CDH13: variants seen among roughly 807,000 people sequenced by gnomAD.
CDH13 encodes cadherin-13.
CDH13 carries 24 observed loss-of-function variants against 63.8 expected under a neutral mutation model. That is an observed-to-expected ratio of 0.38 (90% CI 0.27 to 0.53). The LOEUF is 0.53. CDH13 is among the 20% of genes least tolerant of loss of function. The probability of loss-of-function intolerance (pLI) is 0.85; values close to 1 mark genes in which losing one functional copy is unlikely to be tolerated. For missense variants in CDH13, 1,049 were observed against 903.1 expected, an observed-to-expected ratio of 1.16 and a Z score of -2.07; for synonymous variants, 503 against 355.3, an observed-to-expected ratio of 1.42 and a Z score of -4.67.
intron 4 of CDH13, among the ~76,000 whole-genome samples, chr16:83,214,538 C>T (rs936187928): frequency 8.0e-6 from 1 of 125,358 alleles, no homozygotes; most frequent in Non-Finnish European, 1.6e-5. Flanking sequence ...CGAAATTGCA[C>T]CACTGCATTC....
At chr16:83,696,261 A>C (rs1029211664) in intron 10 of CDH13, among the ~76,000 whole-genome samples, 52 of 152,190 alleles carry the variant, frequency 3.4e-4, no homozygotes, top group Admixed American at 7.2e-4. Context: ...TTTTTTAAAA[A>C]GTCATGCTCA....
intron 6 of CDH13, among the ~76,000 whole-genome samples, chr16:83,349,178 G>C (rs1392091107): frequency 6.6e-6 from 1 of 152,216 alleles, no homozygotes; most frequent in East Asian, 1.9e-4. Context: ...ATCGTGAGCT[G>C]TTGCTTTTGC....
chr16:83,156,646 A>C (rs964524361), intron 4 of CDH13, among the ~76,000 whole-genome samples: 1 of 152,296 alleles, frequency 6.6e-6, no homozygotes, highest in Admixed American at 6.5e-5. Context: ...GACTACATCA[A>C]GTTTTACTCA....
At chr16:83,179,653 GAA>G (rs11307471) in intron 4 of CDH13, among the ~76,000 whole-genome samples, 9 of 147,198 alleles carry the variant, frequency 6.1e-5, no homozygotes, top group East Asian at 4.0e-4. Context: ...CTCTCTCTCA[GAA>G]AAAAAAAAAG....
chr16:83,211,169 T>C (rs143804887), intron 4 of CDH13, among the ~76,000 whole-genome samples: 1 of 149,510 alleles, frequency 6.7e-6, no homozygotes, highest in Admixed American at 6.7e-5. Context: ...AAAAAGGTAC[T>C]AGAAAAACTG....
At chr16:83,504,217 C>T (rs1037072146) in intron 7 of CDH13, among the ~76,000 whole-genome samples, 1 of 152,172 alleles carries the variant, frequency 6.6e-6, no homozygotes, top group African/African-American at 2.4e-5. Flanking sequence ...GATTTTAATC[C>T]TCAGGTTGCT....
At chr16:83,686,528 A>AG (rs1297997311) in intron 10 of CDH13, among the ~76,000 whole-genome samples, 3 of 152,366 alleles carry the variant, frequency 2.0e-5, no homozygotes, top group African/African-American at 7.2e-5. Context: ...CAACTTTAGC[A>AG]GGCTAAACCT....
intron 6 of CDH13, among the ~76,000 whole-genome samples, chr16:83,443,761 T>C (rs1167279061): frequency 7.9e-6 from 1 of 126,304 alleles, no homozygotes; most frequent in East Asian, 2.1e-4. Context: ...TATATATATA[T>C]ATGGAGAGAA....
chr16:83,653,486 G>A (rs559703220), intron 8 of CDH13, among the ~76,000 whole-genome samples: 5 of 151,138 alleles, frequency 3.3e-5, no homozygotes, highest in East Asian at 1.9e-4. Flanking sequence ...AAACCAGATT[G>A]AGGAAAATCT....
chr16:83,429,676 C>G (rs1216808966), intron 6 of CDH13, among the ~76,000 whole-genome samples: 1 of 152,234 alleles, frequency 6.6e-6, no homozygotes, highest in Non-Finnish European at 1.5e-5. Context: ...TTCCTTAGAA[C>G]TTGTGCTCTG....
chr16:83,595,556 A>C (rs1296257795), intron 7 of CDH13, among the ~76,000 whole-genome samples: 4 of 152,230 alleles, frequency 2.6e-5, no homozygotes, highest in Non-Finnish European at 5.9e-5. Context: ...TCTTGCTCAC[A>C]TCACAGTCTA....
intron 8 of CDH13, among the ~76,000 whole-genome samples, chr16:83,659,211 G>T (rs1361147314): frequency 1.3e-5 from 2 of 148,402 alleles, no homozygotes; most frequent in African/African-American, 5.0e-5. Context: ...TCACCACCAG[G>T]TCCCATATCC....
intron 1 of CDH13, among the ~76,000 whole-genome samples, chr16:82,668,494 G>A (rs756748583): frequency 2.0e-4 from 31 of 152,136 alleles, no homozygotes; most frequent in Non-Finnish European, 4.1e-4. Flanking sequence ...TACAGCTCAG[G>A]GAAAACCATT....
intron 2 of CDH13, among the ~76,000 whole-genome samples, chr16:82,944,968 A>T (rs1004676437): frequency 2.6e-5 from 4 of 152,224 alleles, no homozygotes; most frequent in African/African-American, 9.6e-5. Context: ...GGCAGTAGCA[A>T]CTGTAGAAAA....
At chr16:82,666,185 T>C (rs957590817) in intron 1 of CDH13, among the ~76,000 whole-genome samples, 3 of 152,190 alleles carry the variant, frequency 2.0e-5, no homozygotes, top group African/African-American at 7.2e-5. Context: ...TCAGGGAAGT[T>C]GGGATGTGTT....
intron 2 of CDH13, among the ~76,000 whole-genome samples, chr16:82,898,016 G>C (rs2041328198): frequency 6.6e-6 from 1 of 152,192 alleles, no homozygotes; most frequent in Non-Finnish European, 1.5e-5. Flanking sequence ...TTGAAATACA[G>C]TTGGCCTCAA....
chr16:82,680,844 G>A (rs979006511), intron 1 of CDH13, among the ~76,000 whole-genome samples: 2 of 152,170 alleles, frequency 1.3e-5, no homozygotes, highest in Non-Finnish European at 2.9e-5. Context: ...TGGTGGAGAG[G>A]ACCGCCTAAC....
At chr16:83,651,074 C>A (rs538029485) in intron 8 of CDH13, among the ~76,000 whole-genome samples, 2 of 151,964 alleles carry the variant, frequency 1.3e-5, no homozygotes, top group African/African-American at 4.8e-5. Flanking sequence ...GTATTCCAGC[C>A]TGGGCAACAA....
At chr16:83,708,369 G>C (rs1907464899) in intron 10 of CDH13, among the ~76,000 whole-genome samples, 1 of 152,226 alleles carries the variant, frequency 6.6e-6, no homozygotes, top group African/African-American at 2.4e-5. Flanking sequence ...AGAGGAGGTA[G>C]CATGGTGGTT....
Sources: allele counts gnomAD v4.1 joint callset (sites outside exome capture counted in the v4.1 genomes callset), GRCh38; gene constraint gnomAD v4.1.1; transcripts MANE v1.5; gene names NCBI Gene and HGNC (gene_info 2026-07-23, HGNC 2026-07-21).